Variants in LTBP3 observed in about 807,000 individuals in gnomAD.
The protein encoded by LTBP3 is latent-transforming growth factor beta-binding protein 3.
In LTBP3, 97 loss-of-function variants were observed where a neutral mutation model predicts 159.7. The ratio of observed to expected loss-of-function variants is 0.61; its 90% CI spans 0.52 to 0.72. LTBP3 has a LOEUF of 0.72. Ranked by LOEUF, LTBP3 falls within the 30% of genes least tolerant of loss-of-function variation. LTBP3 has a pLI of 0.00. For synonymous variants in LTBP3, 824 were observed against 777.1 expected, an observed-to-expected ratio of 1.06 and a Z score of -1.00; for missense variants, 1,584 against 1,864.3, an observed-to-expected ratio of 0.85 and a Z score of 2.77.
At position 65,540,531 on chromosome 11, in the gene LTBP3, A is replaced by G. The variant is rs768357741; in HGVS notation, c.3061T>C (p.Cys1021Arg). 1 of 1,613,862 alleles carries G rather than the reference A, an allele frequency of 6.2e-7. No homozygotes were observed. Among genetic ancestry groups the G allele is most frequent in the Non-Finnish European group, 8.5e-7 (1 of 1,179,902 alleles). The stretch of plus-strand genomic sequence containing the variant: ...CCGTCGTAGTAGAAGCCCTGCTTGC[A>G]GTAGCACTCGTAGCCAGGCTGCGTG... ...VNTQPGYECY[C>R]KQGFYYDGNL... Residue 1021 changes from cysteine (C) to arginine (R), a missense_variant, in exon 22 of 28, where the codon TGC (cysteine) becomes CGC (arginine). Transcript: ENST00000301873.
intron 8 of LTBP3, 147 bp from the exon 9 acceptor site, chr11:65,551,711 G>T: frequency 1.9e-6 from 2 of 1,069,094 alleles, no homozygotes; most frequent in Non-Finnish European, 2.8e-6. Context: ...AGATTCTGGG[G>T]TTAGGGTGTG....
chr11:65,539,730 C>T lies in LTBP3; in HGVS notation c.3537G>A (p.Pro1179=), dbSNP rs1855981902. The T allele has an allele frequency of 1.9e-6, 3 of 1,546,384 alleles. No individual in the cohort carries two copies. Among genetic ancestry groups the T allele is most frequent in the Non-Finnish European group, 2.6e-6 (3 of 1,152,704 alleles). Residue 1179 remains proline (P), a synonymous_variant, in exon 25 of 28, where the codon CCG becomes CCA. Coordinates refer to ENST00000301873, the MANE Select transcript of LTBP3 (RefSeq NM_001130144.3). ...GWGAQCRPCP[P]RGAGSHCPTS... ...CCCCGACTGCCTTACCCGCGCCGCG[C>T]GGCGGGCACGGTCGGCATTGGGCGC...
chr11:65,557,739 G>A lies in LTBP3; in HGVS notation c.221C>T (p.Thr74Ile). The A allele has an allele frequency of 1.9e-6, 3 of 1,606,898 alleles. No homozygotes were observed. Among genetic ancestry groups the A allele is most frequent in the Non-Finnish European group, 2.5e-6 (3 of 1,179,816 alleles). The change falls in exon 1 of 28, where the codon ACC becomes ATC. Residue 74 changes from threonine (T) to isoleucine (I), a missense_variant. By Grantham distance (89) the Thr-to-Ile change is moderately conservative. This residue lies in a region of LTBP3 where 76 missense variants were observed against 133.3 expected (regional missense o/e 0.57). Transcript: ENST00000301873. Reference protein sequence around the residue: ...VVFAPVICKRTCLKGQCRDSC... With the variant: ...VVFAPVICKRICLKGQCRDSC... ...GTCCCGACACTGGCCCTTGAGACAG[G>A]TCCGCTTGCAGATCACCGGCGCAAA...
At position 65,551,456 on chromosome 11, in the gene LTBP3, ACCTCT is replaced by A. The variant is rs1027974408; in HGVS notation, c.1562_1566del (p.Glu521ValfsTer54). The A allele has an allele frequency of 6.2e-7, 1 of 1,612,868 alleles. No individual in the cohort carries two copies. The highest frequency in any genetic ancestry group is 1.3e-5 in the African/African-American group (1 of 74,604). On this transcript the variant is annotated frameshift_variant, in exon 10 of 28. Coordinates refer to ENST00000301873, the MANE Select transcript of LTBP3 (RefSeq NM_001130144.3). LOFTEE classifies it high-confidence loss of function. ...GCAGTTGGGTGGCTCTGCTGCACTG[ACCTCT>A]CCTCACTCACCGGCTGCGGGTGACA...
intron 21 of LTBP3, 89 bp from the exon 22 acceptor site, chr11:65,540,703 C>CGGGCGGGGCCTGCAGGAG (rs1856080396): frequency 1.4e-5 from 18 of 1,244,226 alleles, no homozygotes; most frequent in Non-Finnish European, 1.9e-5. Flanking sequence ...AAGCCATCCC[C>CGGGCGGGGCCTGCAGGAG]GGGCGGGGCC....
chr11:65,546,285 C>T lies in LTBP3; in HGVS notation c.2353+157G>A, dbSNP rs955474308. The T allele has an allele frequency of 4.9e-5, 47 of 951,792 alleles. No homozygotes were observed. In the East Asian group the frequency reaches 8.8e-4, roughly 18 times the overall value. 59.0% of individuals were successfully genotyped at this position (951,792 alleles called of 1,614,324 possible). On this transcript the variant is annotated intron_variant, in intron 16 of 27. Coordinates refer to ENST00000301873, the MANE Select transcript of LTBP3 (RefSeq NM_001130144.3). This position sits in a 1 kb window ranked among gnomAD's most constrained non-coding sequence, Gnocchi z 4.0. Reference sequence around the variant, plus strand: ...TTCCTACGTGGAAATTCTAGTGGTGCCTTCCTTGGCAAAGTTCGTTGAGAA... The same window carrying T: ...TTCCTACGTGGAAATTCTAGTGGTGTCTTCCTTGGCAAAGTTCGTTGAGAA...
rs989587665 is a variant in LTBP3, at chr11:65,541,699, G to A, written c.2626C>T (p.Leu876=). 1.9e-6 allele frequency: 3 copies of A among 1,614,052 alleles called. No individual in the cohort carries two copies. In the African/African-American group the frequency reaches 4.0e-5, roughly 22 times the overall value. Reference sequence around the variant, plus strand: ...TTGCAGGCCCCATGGGGAAGGCACAGGCTCGGGTCCTGGCTGCACTCATCT... The same window carrying A: ...TTGCAGGCCCCATGGGGAAGGCACAAGCTCGGGTCCTGGCTGCACTCATCT... ...DIDECSQDPS[L]CLPHGACKNL... Residue 876 remains leucine, a synonymous_variant, in exon 19 of 28, where the codon CTG becomes TTG. Transcript: ENST00000301873.
chr11:65,538,847 C>T lies in LTBP3; in HGVS notation c.*233G>A. On this transcript the variant is annotated 3_prime_UTR_variant, in exon 28 of 28. Transcript: ENST00000301873. ...GAGGCACGATCTGATTTATCAGTTT[C>T]TAGGAAACACCCTCTGGGAGGAAGG... 1.2e-6 allele frequency: 1 copy of T among 844,250 alleles called. No individual in the cohort carries two copies. Among genetic ancestry groups the T allele is most frequent in the South Asian group, 2.4e-5 (1 of 42,394 alleles). 52.3% of individuals were successfully genotyped at this position (844,250 alleles called of 1,614,324 possible).
Position 65,538,882 on chromosome 11 carries a change from C to T in LTBP3, c.*198G>A, listed in dbSNP as rs1052107883. On this transcript the variant is annotated 3_prime_UTR_variant, in exon 28 of 28. Coordinates refer to ENST00000301873, the MANE Select transcript of LTBP3 (RefSeq NM_001130144.3). The stretch of plus-strand genomic sequence containing the variant: ...CCCTCTGGGAGGAAGGCAGGCAGCG[C>T]CCGCCGGAGACCTTACAACCGCCCG... 141 of 1,048,162 alleles carry T rather than the reference C, an allele frequency of 1.3e-4. No individual in the cohort carries two copies. The highest frequency in any genetic ancestry group is 1.3e-4 in the Non-Finnish European group (104 of 785,378). The allele number at this position is 1,048,162 out of a possible 1,614,324, so 64.9% of individuals were successfully genotyped here.
At position 65,546,379 on chromosome 11, in the gene LTBP3, C is replaced by T; in HGVS notation, c.2353+63G>A. The T allele has an allele frequency of 1.4e-6, 2 of 1,480,338 alleles. No individual in the cohort carries two copies. The highest frequency in any genetic ancestry group is 1.8e-6 in the Non-Finnish European group (2 of 1,120,572). The allele number at this position is 1,480,338 out of a possible 1,614,324, so 91.7% of individuals were successfully genotyped here. On this transcript the variant is annotated intron_variant, in intron 16 of 27. Coordinates refer to ENST00000301873, the MANE Select transcript of LTBP3 (RefSeq NM_001130144.3). The surrounding 1 kb of genome is among the most constrained non-coding windows in gnomAD (Gnocchi z 4.0). The stretch of plus-strand genomic sequence containing the variant: ...ACCCACTGTTTACAGACAGCGTGAC[C>T]CGCTCCCCGGCTTCAGCGCGTAGGG...
rs1242788421 is a variant in LTBP3, at chr11:65,539,804, G to A, written c.3463C>T (p.Pro1155Ser). 3 of 1,538,632 alleles carry A rather than the reference G, an allele frequency of 1.9e-6. No individual in the cohort carries two copies. The highest frequency in any genetic ancestry group is 2.6e-6 in the Non-Finnish European group (3 of 1,149,672). The change falls in exon 25 of 28, where the codon CCT becomes TCT. Residue 1155 changes from proline to serine, a missense_variant. By Grantham distance (74) the Pro-to-Ser change is moderately conservative (BLOSUM62 -1). Around this residue, in one of 6 missense-constraint regions of LTBP3, gnomAD observed 514 missense variants for 530.3 expected, o/e 0.97. Transcript: ENST00000301873. ...CAGCAGTCGTCGAAGGTGAGGGCAGGCCCGGCCAGGGGGCCAGCGCACATG... is the reference window on the plus strand; with the variant it reads ...CAGCAGTCGTCGAAGGTGAGGGCAGACCCGGCCAGGGGGCCAGCGCACATG... ...DGMCAGPLAGPALTFDDCCCR... is the reference protein window; with the variant it reads ...DGMCAGPLAGSALTFDDCCCR...
At chr11:65,540,703 C>CGGGCGGGGCCTACGGGAG in intron 21 of LTBP3, 89 bp from the exon 22 acceptor site, 2 of 1,243,482 alleles carry the variant, frequency 1.6e-6, no homozygotes, top group South Asian at 1.3e-5. Flanking sequence ...AAGCCATCCC[C>CGGGCGGGGCCTACGGGAG]GGGCGGGGCC....
chr11:65,546,556 C>A lies in LTBP3; in HGVS notation c.2239G>T (p.Glu747Ter), dbSNP rs1160340705. The A allele has an allele frequency of 6.2e-7, 1 of 1,602,404 alleles. No individual in the cohort carries two copies. Among genetic ancestry groups the A allele is most frequent in the South Asian group, 1.1e-5 (1 of 90,980 alleles). ...QGGGACRDVNECAEGSPCSPG... is the reference protein window; with the variant it reads ...QGGGACRDVN ...GAGCAGGGGCTGCCCTCGGCGCACT[C>A]GTTCACGTCTGCGGCGGAAAGACCT... The change falls in exon 16 of 28, where the codon GAG becomes TAG. Residue 747 changes from glutamate to a stop codon, truncating the protein, a stop_gained. Coordinates refer to ENST00000301873, the MANE Select transcript of LTBP3 (RefSeq NM_001130144.3). LOFTEE classifies it high-confidence loss of function. The surrounding 1 kb of genome is among the most constrained non-coding windows in gnomAD (Gnocchi z 4.0).
chr11:65,553,018 G>T lies in LTBP3; in HGVS notation c.1064-36C>A, dbSNP rs544309546. 1.2e-6 allele frequency: 2 copies of T among 1,614,044 alleles called. No homozygotes were observed. The highest frequency in any genetic ancestry group is 3.3e-5 in the Admixed American group (2 of 60,014). ...TGGAAGTTTGGCCCCTCTGGTCTGG[G>T]GCCATGGGGTGACAGCAGGCTGCTC... On this transcript the variant is annotated intron_variant, in intron 5 of 27. Coordinates refer to ENST00000301873, the MANE Select transcript of LTBP3 (RefSeq NM_001130144.3). The surrounding 1 kb of genome is among the most constrained non-coding windows in gnomAD (Gnocchi z 6.5).
At position 65,554,117 on chromosome 11, in the gene LTBP3, C is replaced by T; in HGVS notation, c.595G>A (p.Glu199Lys). 2 of 1,610,874 alleles carry T rather than the reference C, an allele frequency of 1.2e-6. No individual in the cohort carries two copies. The highest frequency in any genetic ancestry group is 1.7e-6 in the Non-Finnish European group (2 of 1,179,558). The change falls in exon 2 of 28, where the codon GAG (glutamate) becomes AAG (lysine). Residue 199 changes from glutamate (E) to lysine (K), a missense_variant. By Grantham distance (56) the Glu-to-Lys change is moderately conservative. Transcript: ENST00000301873. The surrounding 1 kb of genome is among the most constrained non-coding windows in gnomAD (Gnocchi z 5.3). The part of the protein sequence containing the change: ...QVIADPPGPG[E>K]GPPAQHAAFL... ...GCTGCGTGCTGGGCAGGAGGCCCCT[C>T]CCCGGGCCCAGGAGGGTCAGCGATC...
rs756880007 is a variant in LTBP3, at chr11:65,539,708, C to T, written c.3547+12G>A. 1.3e-6 allele frequency: 2 copies of T among 1,561,446 alleles called. No individual in the cohort carries two copies. Among genetic ancestry groups the T allele is most frequent in the Non-Finnish European group, 1.7e-6 (2 of 1,160,570 alleles). On this transcript the variant is annotated intron_variant, in intron 25 of 27. Transcript: ENST00000301873. ...TCCTCGCTCCCGGCCAACTCCTCCC[C>T]GACTGCCTTACCCGCGCCGCGCGGC...
At chr11:65,542,393 T>TTC (rs71923644) in intron 18 of LTBP3, 7,761 of 144,694 alleles carry the variant, frequency 0.054, 297 homozygotes, top group South Asian at 0.15. Flanking sequence ...TTTTTTTTTT[T>TTC]TTTTTTTTTT....
intron 19 of LTBP3, 118 bp from the exon 20 acceptor site, chr11:65,541,411 A>G (rs1856131977): frequency 2.8e-6 from 4 of 1,425,600 alleles, no homozygotes; most frequent in Admixed American, 1.7e-5. Flanking sequence ...CCTCCTCCTG[A>G]GAGTTGGCTC....
Position 65,554,187 on chromosome 11 carries a change from C to T in LTBP3, c.525G>A (p.Glu175=), listed in dbSNP as rs781371487. 1 of 1,611,688 alleles carries T rather than the reference C, an allele frequency of 6.2e-7. No individual in the cohort carries two copies. Among genetic ancestry groups the T allele is most frequent in the Non-Finnish European group, 8.5e-7 (1 of 1,179,558 alleles). ...CGTGCTTGCTGGCCACAGAGTCGCC[C>T]TCCGGAGCCAGGGGCGGCAGCGCCC... The part of the protein sequence containing the change: ...STGALPPLAP[E]GDSVASKHAI... Residue 175 remains glutamate (E), a synonymous_variant, in exon 2 of 28, where the codon GAG becomes GAA. Transcript: ENST00000301873. The surrounding 1 kb of genome is among the most constrained non-coding windows in gnomAD (Gnocchi z 5.3).
Sources: gnomAD v4.1 joint callset for allele counts on GRCh38, gnomAD v4.1.1 for gene constraint, gnomAD v4.1.1 regional missense constraint, Gnocchi (gnomAD v3.1) non-coding constraint, MANE v1.5 for transcripts, NCBI Gene and HGNC (gene_info 2026-07-23, HGNC 2026-07-21) for gene names.